The following SUFU variants were observed in gnomAD, a reference collection of about 807,000 sequenced individuals.
SUFU encodes SUFU negative regulator of hedgehog signaling.
In SUFU, 7 loss-of-function variants were observed where a neutral mutation model predicts 58.9. The ratio of observed to expected loss-of-function variants is 0.12; its 90% CI spans 0.07 to 0.22. SUFU has a LOEUF of 0.22. Among genes scored for constraint, SUFU ranks in the 10% least tolerant of loss-of-function variants. SUFU has a pLI of 1.00. For synonymous variants in SUFU, 232 were observed against 254.8 expected, an observed-to-expected ratio of 0.91 and a Z score of 0.85; for missense variants, 451 against 641.3, an observed-to-expected ratio of 0.70 and a Z score of 3.20.
chr10:102,518,501 C>CT (rs2062500030), intron 2 of SUFU, among the ~76,000 whole-genome samples: 1 of 148,768 alleles, frequency 6.7e-6, no homozygotes, highest in Admixed American at 6.8e-5. Flanking sequence ...AGCTATCTAT[C>CT]TAACTGTCTG....
intron 2 of SUFU, among the ~76,000 whole-genome samples, chr10:102,519,690 G>C (rs905188311): frequency 2.6e-5 from 4 of 152,212 alleles, no homozygotes; most frequent in Non-Finnish European, 5.9e-5. Flanking sequence ...CAGCATCTCA[G>C]TGATCCTTAT....
chr10:102,570,311 G>A (rs562364963), intron 3 of SUFU, among the ~76,000 whole-genome samples: 1 of 151,832 alleles, frequency 6.6e-6, no homozygotes, highest in South Asian at 2.1e-4. Context: ...GTGCAATCTC[G>A]GCTCACTGCA....
chr10:102,592,837 C>G (rs2063418303), intron 4 of SUFU, 113 bp downstream of exon 4: 1 of 1,250,408 alleles, frequency 8.0e-7, no homozygotes, highest in Non-Finnish European at 1.1e-6. Context: ...TTGGCCTCGT[C>G]CTGATTTCTG....
chr10:102,593,976 C>G lies in SUFU; in HGVS notation c.684-17C>G, dbSNP rs1454924481. ...CAGACCCTCAGTTACCATTGTATCC[C>G]CTTTCCTTGTCCACAGTGCTGGCGG... On this transcript the variant is annotated splice_polypyrimidine_tract_variant and intron_variant, in intron 5 of 11. Transcript: ENST00000369902. The G allele has an allele frequency of 2.7e-5, 43 of 1,613,992 alleles. No individual in the cohort carries two copies. Among genetic ancestry groups the G allele is most frequent in the Non-Finnish European group, 3.5e-5 (41 of 1,179,992 alleles).
chr10:102,590,039 A>G (rs2063379041), intron 3 of SUFU, among the ~76,000 whole-genome samples: 1 of 149,426 alleles, frequency 6.7e-6, no homozygotes, highest in Admixed American at 6.7e-5. Context: ...AGTAATTTTT[A>G]TAATCTGTAT....
chr10:102,608,232 A>G (rs1027953589), intron 8 of SUFU, among the ~76,000 whole-genome samples: 5 of 46,020 alleles, frequency 1.1e-4, no homozygotes, highest in Admixed American at 6.3e-4. Flanking sequence ...TAAAAAAACA[A>G]AAAAAAAATT....
rs1470152123 is a variant in SUFU at position 102,632,687 on chromosome 10, G to A, written c.*2532G>A. The A allele has an allele frequency of 8.6e-6, 2 of 233,178 alleles. No homozygotes were observed. Among genetic ancestry groups the A allele is most frequent in the Non-Finnish European group, 1.7e-5 (2 of 118,084 alleles). The allele number at this position is 233,178 out of a possible 1,614,324, so 14.4% of individuals were successfully genotyped here. Reference sequence around the variant, plus strand: ...TTGTAGTGGGTGGAGGAGGTAAGGGGCCTCCCTCCCTAAATCTGCCTCTTC... The same window carrying A: ...TTGTAGTGGGTGGAGGAGGTAAGGGACCTCCCTCCCTAAATCTGCCTCTTC... On this transcript the variant is annotated 3_prime_UTR_variant, in exon 12 of 12. Coordinates refer to ENST00000369902, the MANE Select transcript of SUFU (RefSeq NM_016169.4).
chr10:102,523,577 A>G (rs1389857792), intron 2 of SUFU, among the ~76,000 whole-genome samples: 1 of 152,228 alleles, frequency 6.6e-6, no homozygotes, highest in Non-Finnish European at 1.5e-5. Context: ...AGGCAACACC[A>G]TGGCTTGCCC....
Position 102,629,757 on chromosome 10 carries a change from A to G in SUFU, c.1366-309A>G, listed in dbSNP as rs919478330. ...GGGCCTCAGGGAGCAGATTCTTTAC[A>G]TGCCTGTGGCCAGAGGCAGAACCAA... On this transcript the variant is annotated intron_variant, in intron 11 of 11. Coordinates refer to ENST00000369902, the MANE Select transcript of SUFU (RefSeq NM_016169.4). This position sits in a 1 kb window ranked among gnomAD's most constrained non-coding sequence, Gnocchi z 4.7. Among the ~76,000 whole-genome samples the G allele has an allele frequency of 9.2e-5, 14 of 152,104 alleles. No individual in the cohort carries two copies. The highest frequency in any genetic ancestry group is 1.5e-4 in the Non-Finnish European group (10 of 68,000).
intron 3 of SUFU, among the ~76,000 whole-genome samples, chr10:102,567,658 G>A (rs2063105396): frequency 6.6e-6 from 1 of 152,160 alleles, no homozygotes; most frequent in Non-Finnish European, 1.5e-5. Context: ...GAAAAGGGAG[G>A]GAATTCGGGT....
intron 8 of SUFU, among the ~76,000 whole-genome samples, chr10:102,610,563 G>A (rs530364944): frequency 2.0e-5 from 3 of 152,220 alleles, no homozygotes; most frequent in Non-Finnish European, 2.9e-5. Flanking sequence ...GGGCCGTGGC[G>A]ATGGGAAGGT....
intron 3 of SUFU, among the ~76,000 whole-genome samples, chr10:102,559,533 G>A (rs924806984): frequency 2.0e-5 from 3 of 152,186 alleles, no homozygotes; most frequent in African/African-American, 7.2e-5. Flanking sequence ...GGCATGAGTC[G>A]TTTGGAAAGT....
intron 3 of SUFU, among the ~76,000 whole-genome samples, chr10:102,553,793 G>T (rs1394554507): frequency 6.6e-6 from 1 of 152,056 alleles, no homozygotes; most frequent in African/African-American, 2.4e-5. Context: ...AGACAGTGTA[G>T]CTCTGAATGG....
chr10:102,587,685 G>GGTTTCACCATGTT (rs1222242056), intron 3 of SUFU, among the ~76,000 whole-genome samples: 1 of 152,016 alleles, frequency 6.6e-6, no homozygotes, highest in Non-Finnish European at 1.5e-5. Context: ...GTGGAGACGG[G>GGTTTCACCATGTT]GTTTCACCAT....
intron 1 of SUFU, among the ~76,000 whole-genome samples, chr10:102,507,961 ATTTTTTTTTTTT>A (rs3061832): frequency 8.6e-6 from 1 of 116,580 alleles, no homozygotes; most frequent in Non-Finnish European, 1.8e-5. Context: ...TTTCTTATCC[ATTTTTTTTTTTT>A]TTTTTTTTTT....
At chr10:102,576,074 G>A (rs1273636909) in intron 3 of SUFU, among the ~76,000 whole-genome samples, 1 of 149,994 alleles carries the variant, frequency 6.7e-6, no homozygotes, top group African/African-American at 2.5e-5. Context: ...TTGAACTTCT[G>A]GACTGAAGTG....
chr10:102,554,675 C>T (rs1371601860), intron 3 of SUFU, among the ~76,000 whole-genome samples: 2 of 152,218 alleles, frequency 1.3e-5, no homozygotes, highest in Non-Finnish European at 2.9e-5. Context: ...ATCCCCACTC[C>T]TCTTGCCTGA....
intron 3 of SUFU, among the ~76,000 whole-genome samples, chr10:102,587,242 T>C (rs183935341): frequency 1.6e-3 from 239 of 152,302 alleles, no homozygotes; most frequent in Admixed American, 2.2e-3. Context: ...CTGGATCATA[T>C]GGTAATTCTG....
chr10:102,535,082 A>G (rs1233053173), intron 2 of SUFU, among the ~76,000 whole-genome samples: 1 of 152,150 alleles, frequency 6.6e-6, no homozygotes. Flanking sequence ...CCTGATTCCC[A>G]AGGAGAAGGG....
Sources: gnomAD v4.1 joint callset for allele counts (sites outside exome capture counted in the v4.1 genomes callset) on GRCh38, gnomAD v4.1.1 for gene constraint, Gnocchi (gnomAD v3.1) non-coding constraint, MANE v1.5 for transcripts, NCBI Gene and HGNC (gene_info 2026-07-23, HGNC 2026-07-21) for gene names.